GRIK5: variants seen among roughly 807,000 people sequenced by gnomAD.
GRIK5 encodes the protein glutamate receptor ionotropic, kainate 5.
GRIK5 carries 43 observed loss-of-function variants against 97.4 expected under a neutral mutation model. That is an observed-to-expected ratio of 0.44 (90% confidence interval 0.35 to 0.57). GRIK5 has a LOEUF of 0.57. Ranked by LOEUF, GRIK5 falls within the 20% of genes least tolerant of loss-of-function variation. The probability of loss-of-function intolerance (pLI) is 0.01; values close to 1 mark genes in which losing one functional copy is unlikely to be tolerated. For missense variants in GRIK5, 1,015 were observed against 1,382.0 expected (o/e 0.73, Z 4.21); for synonymous variants, 580 against 583.5 (o/e 0.99, Z 0.09).
intron 15 of GRIK5, among the ~76,000 whole-genome samples, chr19:42,013,403 CTTTTCTTTTTTTT>C: frequency 7.4e-6 from 1 of 135,772 alleles, no homozygotes; most frequent in Admixed American, 7.3e-5. Context: ...TTCTTTTTTT[CTTTTCTTTTTTTT>C]TTTTTTTTTT....
intron 8 of GRIK5, among the ~76,000 whole-genome samples, chr19:42,056,100 C>T (rs1185216644): frequency 6.6e-6 from 1 of 152,190 alleles, no homozygotes; most frequent in Non-Finnish European, 1.5e-5. Flanking sequence ...ATTCTTCCAC[C>T]TCAGCCTCCC....
intron 8 of GRIK5, among the ~76,000 whole-genome samples, chr19:42,056,330 C>G (rs1297068960): frequency 1.3e-5 from 2 of 152,108 alleles, no homozygotes; most frequent in Non-Finnish European, 2.9e-5. Flanking sequence ...AATCTTATAC[C>G]TGAGGGGACA....
intron 19 of GRIK5, chr19:42,001,824 T>C (rs2075426098): frequency 7.5e-6 from 3 of 400,368 alleles, no homozygotes; most frequent in South Asian, 4.7e-5. Context: ...ATGATAGCAA[T>C]AGATAACTAA....
Position 42,053,655 on chromosome 19 carries a change from T to G in GRIK5, c.1216A>C (p.Ile406Leu). ...TLAMNATTLD[I>L]NLSQTLANKT... ...TTGGCCAGTGTCTGCGACAGGTTGA[T>G]GTCCAGGGTGGTGGCATTCATGGCC... The change falls in exon 11 of 20, where the codon ATC becomes CTC. Residue 406 changes from isoleucine to leucine, a missense_variant. This residue lies in a region of GRIK5 where 477 missense variants were observed against 701.1 expected (regional missense o/e 0.68). Coordinates refer to ENST00000593562, the MANE Select transcript of GRIK5 (RefSeq NM_002088.5). 6.2e-7 allele frequency: 1 copy of G among 1,613,794 alleles called. No homozygotes were observed. Among genetic ancestry groups the G allele is most frequent in the Non-Finnish European group, 8.5e-7 (1 of 1,179,664 alleles).
At chr19:42,059,773 T>C (rs1025256567) in intron 5 of GRIK5, among the ~76,000 whole-genome samples, 3 of 152,046 alleles carry the variant, frequency 2.0e-5, no homozygotes, top group African/African-American at 7.2e-5. Flanking sequence ...TCCTGACCCC[T>C]CATTGGGTGT....
intron 11 of GRIK5, among the ~76,000 whole-genome samples, chr19:42,045,627 C>G (rs2076034055): frequency 6.6e-6 from 1 of 152,216 alleles, no homozygotes; most frequent in African/African-American, 2.4e-5. Flanking sequence ...AGCCCTACAG[C>G]TACAGGGTGA....
chr19:42,001,768 G>A (rs1473874659), intron 19 of GRIK5: 2 of 240,752 alleles, frequency 8.3e-6, no homozygotes, highest in Non-Finnish European at 1.6e-5. Flanking sequence ...CAGAAACTGT[G>A]AACCAATGGA....
intron 15 of GRIK5, among the ~76,000 whole-genome samples, chr19:42,010,357 C>T (rs533020843): frequency 3.3e-5 from 5 of 152,196 alleles, no homozygotes; most frequent in East Asian, 3.9e-4. Context: ...ATTTATAAAA[C>T]GCACCAAGAC....
At chr19:42,049,794 G>A (rs916442501) in intron 11 of GRIK5, among the ~76,000 whole-genome samples, 1 of 152,068 alleles carries the variant, frequency 6.6e-6, no homozygotes, top group Non-Finnish European at 1.5e-5. Context: ...AAGTAGGGTA[G>A]GTTCTAGAAC....
rs187311343 is a variant in GRIK5 at position 42,061,020 on chromosome 19, C to T, written c.508+1468G>A. Reference sequence around the variant, plus strand: ...ACCAAGATCAGAGCCTGGCACAGAGCAGGTGCTTAATAAATACCTTTATTT... The same window carrying T: ...ACCAAGATCAGAGCCTGGCACAGAGTAGGTGCTTAATAAATACCTTTATTT... On this transcript the variant is annotated intron_variant, in intron 5 of 19. Transcript: ENST00000593562. 5.1e-4 allele frequency among the ~76,000 whole-genome samples: 78 copies of T among 152,324 alleles called. 3 individuals carry two copies. Among genetic ancestry groups the T allele is most frequent in the African/African-American group, 1.8e-3 (76 of 41,564 alleles).
intron 12 of GRIK5, among the ~76,000 whole-genome samples, chr19:42,041,629 C>T (rs906441528): frequency 6.6e-5 from 10 of 152,250 alleles, no homozygotes; most frequent in South Asian, 6.2e-4. Context: ...CCTGCCACCT[C>T]CCATGGCCCT....
Position 42,042,675 on chromosome 19 carries a change from C to G in GRIK5, c.1350G>C (p.Met450Ile), listed in dbSNP as rs747140762. Residue 450 changes from methionine to isoleucine, a missense_variant, in exon 12 of 20, where the codon ATG becomes ATC. Around this residue, in one of 5 missense-constraint regions of GRIK5, gnomAD observed 477 missense variants for 701.1 expected, o/e 0.68. Transcript: ENST00000593562. This position sits in a 1 kb window ranked among gnomAD's most constrained non-coding sequence, Gnocchi z 6.9. Reference protein sequence around the residue: ...NERFEGFCVDMLRELAELLRF... With the variant: ...NERFEGFCVDILRELAELLRF... ...GCAGCAGCTCGGCCAGCTCCCGCAG[C>G]ATGTCCACGCAGAAGCCCTCGAAGC... 1 of 1,613,638 alleles carries G rather than the reference C, an allele frequency of 6.2e-7. No homozygotes were observed. The highest frequency in any genetic ancestry group is 8.5e-7 in the Non-Finnish European group (1 of 1,179,998).
At chr19:42,011,228 T>C (rs2075557954) in intron 15 of GRIK5, among the ~76,000 whole-genome samples, 1 of 152,096 alleles carries the variant, frequency 6.6e-6, no homozygotes, top group Admixed American at 6.5e-5. Flanking sequence ...CAAGGTCTTA[T>C]ATCTTACGTG....
chr19:42,057,050 G>T, intron 6 of GRIK5, 72 bp from the exon 7 acceptor site: 1 of 1,111,936 alleles, frequency 9.0e-7, no homozygotes, highest in East Asian at 2.6e-5. Flanking sequence ...GAGGACTCAA[G>T]AGAAGAAGAG....
At chr19:42,053,265 C>A (rs1182330044) in intron 11 of GRIK5, among the ~76,000 whole-genome samples, 1 of 152,216 alleles carries the variant, frequency 6.6e-6, no homozygotes, top group Non-Finnish European at 1.5e-5. Flanking sequence ...TCCACAACTT[C>A]AAGATGGACA....
chr19:42,035,128 G>A (rs1363203986), intron 12 of GRIK5, among the ~76,000 whole-genome samples: 2 of 152,004 alleles, frequency 1.3e-5, no homozygotes, highest in Non-Finnish European at 2.9e-5. Flanking sequence ...ACAGGCATGC[G>A]CCACCACATC....
chr19:42,034,613 G>C (rs898211840), intron 12 of GRIK5, among the ~76,000 whole-genome samples: 1 of 152,062 alleles, frequency 6.6e-6, no homozygotes, highest in Non-Finnish European at 1.5e-5. Context: ...ATGGTTCTAG[G>C]CGCTGGGGAT....
chr19:42,061,720 C>T (rs2076261950), intron 5 of GRIK5, among the ~76,000 whole-genome samples: 1 of 152,204 alleles, frequency 6.6e-6, no homozygotes, highest in African/African-American at 2.4e-5. Flanking sequence ...CTGGCCCCCT[C>T]ATTCCAACTG....
chr19:41,999,099 G>C lies in GRIK5; in HGVS notation c.2715C>G (p.Gly905=). 3.7e-6 allele frequency: 5 copies of C among 1,348,638 alleles called. No homozygotes were observed. The highest frequency in any genetic ancestry group is 4.7e-6 in the Non-Finnish European group (5 of 1,056,046). 83.5% of individuals were successfully genotyped at this position (1,348,638 alleles called of 1,614,324 possible). A position where few individuals can be genotyped will look rare whatever the true frequency, so the allele number is the denominator to read the frequency against. ...CCGGGTCGTCCAGGAGGCGCTGCGG[G>C]CCCCCGTGCGCGCTGCCCGCATCCC... The part of the protein sequence containing the change: ...AGGDAGSAHG[G]PQRLLDDPGP... Residue 905 remains glycine (G), a synonymous_variant, in exon 20 of 20, where the codon GGC becomes GGG. Coordinates refer to ENST00000593562, the MANE Select transcript of GRIK5 (RefSeq NM_002088.5). The surrounding 1 kb of genome is among the most constrained non-coding windows in gnomAD (Gnocchi z 5.0).
Sources: gnomAD v4.1 joint callset for allele counts (sites outside exome capture counted in the v4.1 genomes callset) on GRCh38, gnomAD v4.1.1 for gene constraint, gnomAD v4.1.1 regional missense constraint, Gnocchi (gnomAD v3.1) non-coding constraint, MANE v1.5 for transcripts, NCBI Gene and HGNC (gene_info 2026-07-23, HGNC 2026-07-21) for gene names.